The following RABEP1 variants were observed in gnomAD, a reference collection of about 807,000 sequenced individuals.
The protein encoded by RABEP1 is rabaptin, RAB GTPase binding effector protein 1.
A neutral mutation model predicts 123.4 loss-of-function variants in RABEP1; 51 were observed. That is an observed-to-expected ratio of 0.41 (90% confidence interval 0.33 to 0.52). The LOEUF is 0.52. Ranked by LOEUF, RABEP1 falls within the 20% of genes least tolerant of loss-of-function variation. RABEP1 has a pLI of 0.16. For synonymous variants in RABEP1, 347 were observed against 355.2 expected, an observed-to-expected ratio of 0.98 and a Z score of 0.26; for missense variants, 888 against 996.3, an observed-to-expected ratio of 0.89 and a Z score of 1.46.
chr17:5,330,810 C>T (rs999872963), intron 2 of RABEP1, among the ~76,000 whole-genome samples: 1 of 152,012 alleles, frequency 6.6e-6, no homozygotes, highest in Non-Finnish European at 1.5e-5. Context: ...ATCATTTCAG[C>T]CCAGGAGGCC....
intron 2 of RABEP1, among the ~76,000 whole-genome samples, chr17:5,317,441 A>C (rs1271450154): frequency 6.6e-6 from 1 of 152,192 alleles, no homozygotes; most frequent in Non-Finnish European, 1.5e-5. Flanking sequence ...GGGCTTCTAC[A>C]AAAAACTTAC....
At chr17:5,366,957 C>G (rs577374731) in intron 11 of RABEP1, among the ~76,000 whole-genome samples, 3 of 151,336 alleles carry the variant, frequency 2.0e-5, no homozygotes, top group African/African-American at 7.3e-5. Context: ...AGTGTTTCGG[C>G]GCATTCCTGT....
At chr17:5,364,286 G>T (rs1449997827) in intron 10 of RABEP1, 1 of 152,164 alleles carries the variant, frequency 6.6e-6, no homozygotes, top group African/African-American at 2.4e-5. Flanking sequence ...ACAAAGAACA[G>T]AGTTAGGAAA....
chr17:5,347,479 A>T (rs1908166567), intron 6 of RABEP1, among the ~76,000 whole-genome samples: 1 of 152,220 alleles, frequency 6.6e-6, no homozygotes, highest in Non-Finnish European at 1.5e-5. Flanking sequence ...AGCTCTGGGC[A>T]GAGAGATAAT....
intron 15 of RABEP1, among the ~76,000 whole-genome samples, chr17:5,380,137 T>G (rs1290378944): frequency 6.6e-6 from 1 of 152,236 alleles, no homozygotes; most frequent in Non-Finnish European, 1.5e-5. Flanking sequence ...TTTACCCTGA[T>G]TTCTCCATTT....
In RABEP1 at chr17:5,384,533, T is replaced by C. The variant is rs1319284612; in HGVS notation, c.*1310T>C. The stretch of plus-strand genomic sequence containing the variant: ...GAGTTAGTGAACTAGGTAGATTGTT[T>C]TGTTCACATAACGCCACCATCAACT... On this transcript the variant is annotated 3_prime_UTR_variant, in exon 18 of 18. Transcript: ENST00000537505. 6 of 215,546 alleles carry C rather than the reference T, an allele frequency of 2.8e-5. No homozygotes were observed. Among genetic ancestry groups the C allele is most frequent in the Non-Finnish European group, 5.6e-5 (6 of 107,068 alleles). 13.4% of individuals were successfully genotyped at this position (215,546 alleles called of 1,614,324 possible). A position where few individuals can be genotyped will look rare whatever the true frequency, so the allele number is the denominator to read the frequency against.
intron 8 of RABEP1, among the ~76,000 whole-genome samples, chr17:5,358,487 A>G (rs1459173468): frequency 6.6e-6 from 1 of 152,094 alleles, no homozygotes; most frequent in African/African-American, 2.4e-5. Context: ...CCTGGCCAAC[A>G]TGGCGGAACT....
At chr17:5,307,500 A>G (rs907528046) in intron 1 of RABEP1, among the ~76,000 whole-genome samples, 1 of 152,234 alleles carries the variant, frequency 6.6e-6, no homozygotes, top group Non-Finnish European at 1.5e-5. Context: ...TAGGCAAATC[A>G]TCATTATCTG....
intron 3 of RABEP1, among the ~76,000 whole-genome samples, chr17:5,332,556 A>C (rs918103818): frequency 1.3e-5 from 2 of 150,992 alleles, no homozygotes; most frequent in Non-Finnish European, 2.9e-5. Context: ...GCTTCAGCTA[A>C]TTATTGCCCT....
At chr17:5,307,399 T>C (rs1008046219) in intron 1 of RABEP1, among the ~76,000 whole-genome samples, 1 of 152,236 alleles carries the variant, frequency 6.6e-6, no homozygotes, top group African/African-American at 2.4e-5. Flanking sequence ...AGTCTTTTTT[T>C]CTATACATTT....
chr17:5,361,879 CTAGT>C (rs1319338670), intron 9 of RABEP1: 3 of 553,202 alleles, frequency 5.4e-6, no homozygotes, highest in Non-Finnish European at 6.4e-6. Context: ...AAGGAGCTAG[CTAGT>C]TAATCACAGT....
At chr17:5,354,944 A>C (rs993445305) in intron 8 of RABEP1, among the ~76,000 whole-genome samples, 1 of 152,192 alleles carries the variant, frequency 6.6e-6, no homozygotes, top group African/African-American at 2.4e-5. Context: ...ATAACACCAC[A>C]GGGTAAAATG....
At chr17:5,319,159 G>A (rs747731442) in intron 2 of RABEP1, among the ~76,000 whole-genome samples, 3 of 151,578 alleles carry the variant, frequency 2.0e-5, no homozygotes, top group African/African-American at 4.8e-5. Context: ...GTGAAACCCC[G>A]TCTCTGCTAA....
chr17:5,335,678 C>G (rs1907007983), intron 4 of RABEP1, among the ~76,000 whole-genome samples: 1 of 152,168 alleles, frequency 6.6e-6, no homozygotes, highest in African/African-American at 2.4e-5. Flanking sequence ...CACATATTTC[C>G]TTATACTACA....
At position 5,361,218 on chromosome 17, in the gene RABEP1, A is replaced by G. The variant is rs946243535; in HGVS notation, c.1106A>G (p.Asp369Gly). The change falls in exon 9 of 18, where the codon GAC (aspartate) becomes GGC (glycine). Residue 369 changes from aspartate to glycine, a missense_variant. Physicochemically the swap from Asp to Gly is moderately conservative, Grantham distance 94. Transcript: ENST00000537505. ...ATTTTCACATTTCAGGAGCATTTAG[A>G]CAGCACCCGTGGCTCAGTTCATTCC... ...AQLSNEEEHLDSTRGSVHSLD... is the reference protein window; with the variant it reads ...AQLSNEEEHLGSTRGSVHSLD... 1.2e-6 allele frequency: 2 copies of G among 1,613,060 alleles called. No homozygotes were observed. Among genetic ancestry groups the G allele is most frequent in the African/African-American group, 2.7e-5 (2 of 74,878 alleles).
chr17:5,292,369 C>T (rs1359123721), intron 1 of RABEP1, among the ~76,000 whole-genome samples: 1 of 151,776 alleles, frequency 6.6e-6, no homozygotes, highest in Non-Finnish European at 1.5e-5. Flanking sequence ...TCCTTTACCC[C>T]TTTCTTATTA....
At chr17:5,284,355 A>G (rs558206089) in intron 1 of RABEP1, among the ~76,000 whole-genome samples, 92 of 152,124 alleles carry the variant, frequency 6.0e-4, no homozygotes, top group Non-Finnish European at 9.7e-4. Flanking sequence ...TGCAATTTTT[A>G]TTTTAAATTA....
chr17:5,376,145 C>T (rs1030607937), intron 13 of RABEP1, among the ~76,000 whole-genome samples: 10 of 152,118 alleles, frequency 6.6e-5, no homozygotes, highest in African/African-American at 2.4e-4. Flanking sequence ...CCTGCCTAGT[C>T]CTAGATCTTA....
chr17:5,323,526 A>G (rs1397351983), intron 2 of RABEP1, among the ~76,000 whole-genome samples: 2 of 149,598 alleles, frequency 1.3e-5, no homozygotes, highest in Non-Finnish European at 3.0e-5. Flanking sequence ...GTACACAAAA[A>G]TCATTAGCAT....
Sources: gnomAD v4.1 joint callset for allele counts (sites outside exome capture counted in the v4.1 genomes callset) on GRCh38, gnomAD v4.1.1 for gene constraint, MANE v1.5 for transcripts, NCBI Gene and HGNC (gene_info 2026-07-23, HGNC 2026-07-21) for gene names.